Variants in PTHLH observed in about 807,000 individuals in gnomAD.
The protein encoded by PTHLH is parathyroid hormone like hormone.
Under a neutral mutation model 18.6 loss-of-function variants are expected in PTHLH, and 5 were observed. The ratio of observed to expected loss-of-function variants is 0.27; its 90% CI spans 0.14 to 0.56. The LOEUF is 0.56. Among genes scored for constraint, PTHLH ranks in the 20% least tolerant of loss-of-function variants. PTHLH has a pLI of 0.92. For synonymous variants in PTHLH, 90 were observed against 94.0 expected (o/e 0.96, Z 0.25); for missense variants, 207 against 223.9 (o/e 0.92, Z 0.48).
intron 3 of PTHLH, 23 bp downstream of exon 3, chr12:27,970,002 T>C (rs749646276): frequency 7.7e-6 from 4 of 519,036 alleles, no homozygotes; most frequent in Admixed American, 5.8e-5. Context: ...AACCCACATA[T>C]ATATACATAG....
chr12:27,958,410 C>T lies in PTHLH; in HGVS notation c.*149G>A, dbSNP rs2062728967. The T allele has an allele frequency of 3.3e-6, 2 of 597,224 alleles. No individual in the cohort carries two copies. Among genetic ancestry groups the T allele is most frequent in the Non-Finnish European group, 5.2e-6 (2 of 383,968 alleles). 37.0% of individuals were successfully genotyped at this position (597,224 alleles called of 1,614,324 possible). A position where few individuals can be genotyped will look rare whatever the true frequency, so the allele number is the denominator to read the frequency against. On this transcript the variant is annotated 3_prime_UTR_variant, in exon 6 of 6. Transcript: ENST00000545234. ...GCAAAAAAAAAATATTCACAATGAC[C>T]AATGTGCAGTTTCATAGAGCAATGG...
intron 2 of PTHLH, among the ~76,000 whole-genome samples, chr12:27,971,259 G>T (rs1366912179): frequency 6.6e-6 from 1 of 152,152 alleles, no homozygotes; most frequent in East Asian, 1.9e-4. Flanking sequence ...CTGCCTGGGA[G>T]AAGCGACGGG....
At chr12:27,964,241 TCTCTCTCTCTCTCTCTCTCTCTCTCTC>T (rs961555460) in intron 4 of PTHLH, among the ~76,000 whole-genome samples, 1 of 113,372 alleles carries the variant, frequency 8.8e-6, no homozygotes, top group Non-Finnish European at 1.9e-5. Flanking sequence ...GTATTCTCTC[TCTCTCTCTCTCTCTCTCTCTCTCTCTC>T]CTCTCTCTCT....
chr12:27,969,570 G>T (rs765517013), intron 3 of PTHLH, 54 bp from the exon 4 acceptor site: 58 of 1,346,490 alleles, frequency 4.3e-5, no homozygotes, highest in Non-Finnish European at 5.8e-5. Flanking sequence ...CCATCTCCCC[G>T]CACTACTCCG....
chr12:27,971,788 C>T (rs1286013542), intron 2 of PTHLH, 139 bp downstream of exon 2: 1 of 151,526 alleles, frequency 6.6e-6, no homozygotes, highest in Non-Finnish European at 1.5e-5. Context: ...CAAAACAAAA[C>T]CAAAACACAC....
rs562739953 is a variant in PTHLH, at chr12:27,959,148, T to C, written c.525-580A>G. On this transcript the variant is annotated intron_variant, in intron 5 of 5. Transcript: ENST00000545234. ...GATGGTATAATGATATCCATCTTAG[T>C]TGATGATATGATATTTGGCATTTCT... Among the ~76,000 whole-genome samples, 95 of 152,324 alleles carry C rather than the reference T, an allele frequency of 6.2e-4. 1 individual carries two copies. Among genetic ancestry groups the C allele is most frequent in the African/African-American group, 2.0e-3 (82 of 41,576 alleles).
chr12:27,963,908 T>G, intron 4 of PTHLH, 138 bp from the exon 5 acceptor site: 1 of 849,442 alleles, frequency 1.2e-6, no homozygotes. Context: ...GCAAGCTCAT[T>G]GCGCAGGGAA....
intron 5 of PTHLH, chr12:27,961,855 C>A: frequency 1.6e-6 from 1 of 642,830 alleles, no homozygotes; most frequent in South Asian, 1.8e-5. Flanking sequence ...GAAGCATCAT[C>A]CTATAATCCT....
intron 4 of PTHLH, among the ~76,000 whole-genome samples, chr12:27,968,461 A>G (rs1002093220): frequency 1.3e-5 from 2 of 152,204 alleles, no homozygotes; most frequent in Non-Finnish European, 2.9e-5. Flanking sequence ...CGAACTTTAT[A>G]GTTTTCCCAT....
At chr12:27,969,085 C>T (rs903150164) in intron 4 of PTHLH, 3 of 378,550 alleles carry the variant, frequency 7.9e-6, no homozygotes, top group Non-Finnish European at 1.5e-5. Flanking sequence ...TAACCACCAC[C>T]CCCCAACTTT....
chr12:27,970,743 G>A (rs1277311770), intron 2 of PTHLH, among the ~76,000 whole-genome samples: 2 of 152,134 alleles, frequency 1.3e-5, no homozygotes, highest in African/African-American at 4.8e-5. Context: ...AAGGAGCTGG[G>A]CCGGGGACCG....
rs761025088 is a variant in PTHLH, at chr12:27,970,023, A to G, written c.-23+2T>C. The G allele has an allele frequency of 7.7e-6, 4 of 518,776 alleles. No homozygotes were observed. Among genetic ancestry groups the G allele is most frequent in the South Asian group, 1.4e-5 (1 of 71,586 alleles). The allele number at this position is 518,776 out of a possible 1,614,324, so 32.1% of individuals were successfully genotyped here. The stretch of plus-strand genomic sequence containing the variant: ...CATATATATACATAGCTGTCTGTCT[A>G]CCTCCTCTGGTGGGCTGGTTGCTTC... On this transcript the variant is annotated splice_donor_variant, in intron 3 of 5. Transcript: ENST00000545234. LOFTEE classifies it low-confidence loss of function (5UTR_SPLICE).
chr12:27,969,041 C>T, intron 4 of PTHLH: 1 of 304,852 alleles, frequency 3.3e-6, no homozygotes, highest in South Asian at 4.3e-5. Flanking sequence ...GCTCAGCTTC[C>T]TCCGAGTTTC....
intron 5 of PTHLH, chr12:27,962,678 A>G: frequency 1.0e-6 from 1 of 984,700 alleles, no homozygotes; most frequent in Non-Finnish European, 1.2e-6. Flanking sequence ...AAAAACCTAT[A>G]TCCTTGTAAG....
At chr12:27,969,700 T>C in intron 3 of PTHLH, 184 bp from the exon 4 acceptor site, 1 of 755,814 alleles carries the variant, frequency 1.3e-6, no homozygotes, top group South Asian at 1.4e-5. Flanking sequence ...AACCGGCTAC[T>C]CCAACTGTGC....
At chr12:27,961,309 A>ATACG (rs1555124113) in intron 5 of PTHLH, among the ~76,000 whole-genome samples, 65 of 75,318 alleles carry the variant, frequency 8.6e-4, no homozygotes, top group Middle Eastern at 6.4e-3. Context: ...ACGTATATAT[A>ATACG]TATATATATA....
At chr12:27,969,795 T>C (rs1270407615) in intron 3 of PTHLH, 4 of 613,706 alleles carry the variant, frequency 6.5e-6, no homozygotes, top group South Asian at 4.1e-5. Flanking sequence ...ATAGCGAAAA[T>C]AAAATGGTTT....
At chr12:27,965,671 T>C (rs2062806310) in intron 4 of PTHLH, among the ~76,000 whole-genome samples, 1 of 152,220 alleles carries the variant, frequency 6.6e-6, no homozygotes, top group Non-Finnish European at 1.5e-5. Context: ...CTGGTTTAAA[T>C]GAGGCATGAA....
chr12:27,966,317 TG>T (rs1032161704), intron 4 of PTHLH, among the ~76,000 whole-genome samples: 1 of 152,236 alleles, frequency 6.6e-6, no homozygotes, highest in Admixed American at 6.5e-5. Flanking sequence ...ATCTGCCTTT[TG>T]GGGGAAACTG....
Sources: gnomAD v4.1 joint callset for allele counts (sites outside exome capture counted in the v4.1 genomes callset) on GRCh38, gnomAD v4.1.1 for gene constraint, MANE v1.5 for transcripts, NCBI Gene and HGNC (gene_info 2026-07-23, HGNC 2026-07-21) for gene names.